SPMIP7: variants seen among roughly 807,000 people sequenced by gnomAD.
SPMIP7 encodes protein SPMIP7.
chr7:50,096,191 T>C, the SPMIP7 span: 1 of 1,551,656 alleles, frequency 6.4e-7, no homozygotes, highest in Admixed American at 2.0e-5. Flanking sequence ...TTGTGATCTC[T>C]TAAGAAAAAT....
chr7:50,118,585 T>C, the SPMIP7 span, among the ~76,000 whole-genome samples: 1 of 152,306 alleles, frequency 6.6e-6, no homozygotes, highest in African/African-American at 2.4e-5. Flanking sequence ...TAAGAAGTTA[T>C]TTAAAAAGTA....
At chr7:50,134,630 A>G in the SPMIP7 span, among the ~76,000 whole-genome samples, 1 of 152,242 alleles carries the variant, frequency 6.6e-6, no homozygotes, top group Non-Finnish European at 1.5e-5. Context: ...TTCTTCACAC[A>G]GGATCTAGAT....
chr7:50,119,465 G>A, the SPMIP7 span, among the ~76,000 whole-genome samples: 10 of 152,216 alleles, frequency 6.6e-5, no homozygotes, highest in South Asian at 2.1e-3. Flanking sequence ...GCCATGGACT[G>A]TAATTTGTGG....
chr7:50,119,905 G>T, the SPMIP7 span, among the ~76,000 whole-genome samples: 2 of 152,166 alleles, frequency 1.3e-5, no homozygotes, highest in African/African-American at 4.8e-5. Context: ...ATGCTATAAA[G>T]GGACCACACA....
chr7:50,145,616 G>GTA, the SPMIP7 span, among the ~76,000 whole-genome samples: 18 of 26,938 alleles, frequency 6.7e-4, no homozygotes, highest in Admixed American at 1.5e-3. Flanking sequence ...GTATATGTGT[G>GTA]TGTATATATA....
the SPMIP7 span, among the ~76,000 whole-genome samples, chr7:50,113,213 G>A: frequency 2.0e-5 from 3 of 151,888 alleles, no homozygotes; most frequent in Non-Finnish European, 2.9e-5. Flanking sequence ...TACTTTATTT[G>A]CTGGAAAAAA....
the SPMIP7 span, among the ~76,000 whole-genome samples, chr7:50,105,552 G>T: frequency 6.6e-6 from 1 of 152,080 alleles, no homozygotes; most frequent in Non-Finnish European, 1.5e-5. Flanking sequence ...CATATTAACA[G>T]CTGTACTATG....
the SPMIP7 span, among the ~76,000 whole-genome samples, chr7:50,156,778 C>T: frequency 2.3e-4 from 35 of 152,196 alleles, no homozygotes; most frequent in African/African-American, 8.2e-4. Context: ...CCTTCTGCCC[C>T]GCAGTGCTGG....
chr7:50,098,346 A>G, the SPMIP7 span, among the ~76,000 whole-genome samples: 1 of 152,192 alleles, frequency 6.6e-6, no homozygotes, highest in Non-Finnish European at 1.5e-5. Flanking sequence ...CAGATCCTTT[A>G]TAGTACTCTG....
chr7:50,104,492 G>C, the SPMIP7 span: 3 of 453,512 alleles, frequency 6.6e-6, no homozygotes, highest in Admixed American at 9.5e-5. Context: ...TTATTTTATT[G>C]TTTAGTTATT....
chr7:50,106,377 T>G, the SPMIP7 span, among the ~76,000 whole-genome samples: 39 of 152,286 alleles, frequency 2.6e-4, no homozygotes, highest in African/African-American at 9.1e-4. Context: ...GCTGAATACC[T>G]GGAGGCCTGA....
the SPMIP7 span, among the ~76,000 whole-genome samples, chr7:50,111,513 G>T: frequency 6.6e-6 from 1 of 152,140 alleles, no homozygotes; most frequent in East Asian, 1.9e-4. Context: ...ACAAAGAAAA[G>T]GGAAGATGGA....
the SPMIP7 span, among the ~76,000 whole-genome samples, chr7:50,111,817 T>C: frequency 6.6e-6 from 1 of 152,082 alleles, no homozygotes; most frequent in Non-Finnish European, 1.5e-5. Context: ...TTAAAAATAT[T>C]GCAAACCACA....
chr7:50,131,249 G>T, the SPMIP7 span, among the ~76,000 whole-genome samples: 1 of 152,188 alleles, frequency 6.6e-6, no homozygotes, highest in Non-Finnish European at 1.5e-5. Context: ...ACAATTTTCT[G>T]ATTGTGATGA....
At chr7:50,158,936 C>A in the SPMIP7 span, 1 of 1,109,602 alleles carries the variant, frequency 9.0e-7, no homozygotes, top group Non-Finnish European at 1.3e-6. Flanking sequence ...GCCTGCAGTG[C>A]GCGCTCCCCT....
At chr7:50,130,628 A>T in the SPMIP7 span, among the ~76,000 whole-genome samples, 2 of 152,136 alleles carry the variant, frequency 1.3e-5, no homozygotes, top group Admixed American at 6.6e-5. Flanking sequence ...AGTGACAGAT[A>T]AGTCTATTAA....
At chr7:50,119,382 A>G in the SPMIP7 span, among the ~76,000 whole-genome samples, 1 of 152,166 alleles carries the variant, frequency 6.6e-6, no homozygotes, top group Non-Finnish European at 1.5e-5. Context: ...CATCATGAAA[A>G]CTGAAAACCT....
the SPMIP7 span, chr7:50,141,727 C>CTTTTT: frequency 3.2e-4 from 25 of 76,948 alleles, 2 homozygotes; most frequent in East Asian, 2.4e-3. Context: ...AGAGGAATCA[C>CTTTTT]TTTTTTTTTT....
At chr7:50,147,542 C>A in the SPMIP7 span, among the ~76,000 whole-genome samples, 1 of 152,296 alleles carries the variant, frequency 6.6e-6, no homozygotes, top group African/African-American at 2.4e-5. Flanking sequence ...GACTATTAGT[C>A]ATGTTTACAG....
Sources: allele counts gnomAD v4.1 joint callset (sites outside exome capture counted in the v4.1 genomes callset), GRCh38; gene constraint gnomAD v4.1.1; transcripts MANE v1.5; gene names NCBI Gene and HGNC (gene_info 2026-07-23, HGNC 2026-07-21).